Variants in GPATCH2 observed in about 807,000 individuals in gnomAD.
GPATCH2 encodes the protein G-patch domain containing 2, also known as G patch domain-containing protein 2.
GPATCH2 carries 51 observed loss-of-function variants against 58.0 expected under a neutral mutation model. The observed-to-expected ratio is 0.88, with a 90% CI of 0.70 to 1.11. The LOEUF (loss-of-function observed/expected upper bound fraction) is 1.11, where lower values mean the gene tolerates loss of function less well. Ranked by LOEUF, GPATCH2 falls within the 50% of genes most tolerant of loss-of-function variation. The pLI, the probability that GPATCH2 is intolerant of heterozygous loss-of-function variation, is 0.00. For missense variants in GPATCH2, 625 were observed against 652.2 expected (o/e 0.96, Z 0.45); for synonymous variants, 222 against 218.5 (o/e 1.02, Z -0.14).
In GPATCH2 at chr1:217,468,562, C is replaced by CACAG. The variant is rs1422304383; in HGVS notation, c.1278-19226_1278-19225insCTGT. On this transcript the variant is annotated intron_variant, in intron 8 of 9. Transcript: ENST00000366935. ...ACACACACACACACACACACACACA[C>CACAG]AGAGAGAAAGAGAAAGAGAGATAGA... Among the ~76,000 whole-genome samples, 8 of 128,846 alleles carry CACAG rather than the reference C, an allele frequency of 6.2e-5. 2 individuals carry two copies. Among genetic ancestry groups the CACAG allele is most frequent in the African/African-American group, 2.2e-4 (8 of 37,058 alleles). 84.5% of individuals were successfully genotyped at this position (128,846 alleles called of 152,430 possible). A position where few individuals can be genotyped will look rare whatever the true frequency, so the allele number is the denominator to read the frequency against.
intron 5 of GPATCH2, among the ~76,000 whole-genome samples, chr1:217,604,478 C>A (rs1313756002): frequency 6.6e-6 from 1 of 151,724 alleles, no homozygotes; most frequent in Non-Finnish European, 1.5e-5. Context: ...AGTTTAAAAA[C>A]ACTTTCTTCT....
At chr1:217,584,222 C>G (rs10863325) in intron 5 of GPATCH2, among the ~76,000 whole-genome samples, 75,093 of 149,706 alleles carry the variant, frequency 0.5, 19,675 homozygotes, top group East Asian at 0.92. Flanking sequence ...TCGAGGCCTC[C>G]CGCGGTGGCT....
At chr1:217,590,370 C>G (rs1444341273) in intron 5 of GPATCH2, among the ~76,000 whole-genome samples, 2 of 152,148 alleles carry the variant, frequency 1.3e-5, no homozygotes, top group East Asian at 3.9e-4. Flanking sequence ...AGGAAAACAG[C>G]TCAAAATGCA....
At chr1:217,592,270 T>C (rs1388062141) in intron 5 of GPATCH2, among the ~76,000 whole-genome samples, 1 of 152,036 alleles carries the variant, frequency 6.6e-6, no homozygotes, top group East Asian at 1.9e-4. Flanking sequence ...AATTAGTTAA[T>C]GTCACTTTCT....
Position 217,580,881 on chromosome 1 carries a change from G to A in GPATCH2, c.1098+29440C>T, listed in dbSNP as rs531633636. 6.0e-3 allele frequency among the ~76,000 whole-genome samples: 573 copies of A among 95,314 alleles called. 162 individuals are homozygous for A. Among genetic ancestry groups the A allele is most frequent in the African/African-American group, 0.016 (461 of 28,106 alleles). 62.5% of individuals were successfully genotyped at this position (95,314 alleles called of 152,430 possible). ...AAATTAGCCGGGCGCGGTGGCGGGC[G>A]CCTGTAGTCCCAGCTACTGGGGAGG... On this transcript the variant is annotated intron_variant, in intron 5 of 9. Transcript: ENST00000366935.
At chr1:217,488,780 C>A (rs1208325012) in intron 8 of GPATCH2, among the ~76,000 whole-genome samples, 1 of 152,002 alleles carries the variant, frequency 6.6e-6, no homozygotes, top group African/African-American at 2.4e-5. Flanking sequence ...TAAGGTCCAA[C>A]TCCTGGGCTC....
At chr1:217,584,364 T>TATATATACACAC (rs1226981154) in intron 5 of GPATCH2, among the ~76,000 whole-genome samples, 11 of 121,550 alleles carry the variant, frequency 9.0e-5, no homozygotes, top group African/African-American at 3.1e-4. Context: ...TATATATATA[T>TATATATACACAC]ACACACACAC....
chr1:217,523,571 C>T (rs1303649433), intron 5 of GPATCH2, among the ~76,000 whole-genome samples: 14 of 151,402 alleles, frequency 9.2e-5, no homozygotes, highest in East Asian at 3.9e-4. Flanking sequence ...CCATGTCTAC[C>T]TCTTTCTACA....
chr1:217,501,290 A>T (rs576559492), intron 6 of GPATCH2, among the ~76,000 whole-genome samples: 1 of 152,220 alleles, frequency 6.6e-6, no homozygotes, highest in South Asian at 2.1e-4. Context: ...ATTCCTTTTA[A>T]TTCTGAGCAG....
chr1:217,572,285 T>C (rs1295427459), intron 5 of GPATCH2, among the ~76,000 whole-genome samples: 3 of 151,922 alleles, frequency 2.0e-5, no homozygotes, highest in African/African-American at 4.8e-5. Flanking sequence ...CTCGAGAGAG[T>C]AGAACTGGAC....
intron 5 of GPATCH2, among the ~76,000 whole-genome samples, chr1:217,595,930 T>A: frequency 6.6e-6 from 1 of 152,250 alleles, no homozygotes; most frequent in East Asian, 1.9e-4. Flanking sequence ...CTTTAAAATA[T>A]ATATATAAAA....
chr1:217,561,412 T>C (rs1665918509), intron 5 of GPATCH2, among the ~76,000 whole-genome samples: 1 of 152,090 alleles, frequency 6.6e-6, no homozygotes, highest in Non-Finnish European at 1.5e-5. Context: ...AATAAAAAAC[T>C]GAAAAATAGG....
intron 8 of GPATCH2, among the ~76,000 whole-genome samples, chr1:217,473,411 G>GT (rs201462452): frequency 6.2e-4 from 94 of 151,610 alleles, no homozygotes; most frequent in East Asian, 2.1e-3. Context: ...GTAATAGGTA[G>GT]TTTTTTTAAA....
intron 8 of GPATCH2, among the ~76,000 whole-genome samples, chr1:217,476,221 G>C (rs971197748): frequency 6.9e-6 from 1 of 145,898 alleles, no homozygotes; most frequent in African/African-American, 2.6e-5. Context: ...AAGAGGGAAA[G>C]AAATCCAGAT....
At chr1:217,599,036 G>A (rs956835156) in intron 5 of GPATCH2, among the ~76,000 whole-genome samples, 2 of 152,134 alleles carry the variant, frequency 1.3e-5, no homozygotes, top group African/African-American at 2.4e-5. Flanking sequence ...TGAAGGACAC[G>A]AATCTAGCAG....
intron 5 of GPATCH2, among the ~76,000 whole-genome samples, chr1:217,550,634 T>G (rs1254398734): frequency 6.6e-6 from 1 of 151,972 alleles, no homozygotes; most frequent in Non-Finnish European, 1.5e-5. Context: ...AAATAAAAAA[T>G]GTTTAATAAC....
At chr1:217,445,415 C>T (rs773280511) in intron 9 of GPATCH2, among the ~76,000 whole-genome samples, 18 of 152,142 alleles carry the variant, frequency 1.2e-4, no homozygotes, top group Admixed American at 9.8e-4. Context: ...CCACAACCAA[C>T]ATTGCTAACG....
intron 6 of GPATCH2, among the ~76,000 whole-genome samples, chr1:217,506,669 A>G (rs1662579947): frequency 6.6e-6 from 1 of 152,242 alleles, no homozygotes; most frequent in Non-Finnish European, 1.5e-5. Context: ...CACTCTTAGG[A>G]GAAAGAATCT....
chr1:217,608,083 A>C (rs529849911), intron 5 of GPATCH2: 164 of 160,930 alleles, frequency 1.0e-3, no homozygotes, highest in African/African-American at 3.7e-3. Flanking sequence ...TTTTAAAACT[A>C]GATATTATAG....
Sources: gnomAD v4.1 joint callset for allele counts (sites outside exome capture counted in the v4.1 genomes callset) on GRCh38, gnomAD v4.1.1 for gene constraint, MANE v1.5 for transcripts, NCBI Gene and HGNC (gene_info 2026-07-23, HGNC 2026-07-21) for gene names.